NCALD: variants seen among roughly 807,000 people sequenced by gnomAD.
NCALD encodes neurocalcin delta, also known as neurocalcin-delta.
Under a neutral mutation model 18.6 loss-of-function variants are expected in NCALD, and 10 were observed. The observed-to-expected ratio is 0.54, with a 90% CI of 0.33 to 0.91. NCALD has a LOEUF of 0.91. Among genes scored for constraint, NCALD ranks in the 40% least tolerant of loss-of-function variants. The probability of loss-of-function intolerance (pLI) is 0.03; values close to 1 mark genes in which losing one functional copy is unlikely to be tolerated. For missense variants in NCALD, 184 were observed against 247.6 expected, an observed-to-expected ratio of 0.74 and a Z score of 1.72; for synonymous variants, 88 against 87.4, an observed-to-expected ratio of 1.01 and a Z score of -0.04.
chr8:101,979,048 G>T (rs1438499766), intron 2 of NCALD, among the ~76,000 whole-genome samples: 1 of 152,114 alleles, frequency 6.6e-6, no homozygotes, highest in African/African-American at 2.4e-5. Context: ...AGATCAATCA[G>T]ATCAGCCCAC....
At chr8:101,932,668 C>T (rs1374762285) in intron 2 of NCALD, among the ~76,000 whole-genome samples, 2 of 152,134 alleles carry the variant, frequency 1.3e-5, no homozygotes, top group Admixed American at 6.5e-5. Context: ...TCTTCCTTTG[C>T]GCAGAGTCCT....
At chr8:101,939,992 C>A (rs1586791413) in intron 2 of NCALD, among the ~76,000 whole-genome samples, 1 of 152,214 alleles carries the variant, frequency 6.6e-6, no homozygotes, top group African/African-American at 2.4e-5. Flanking sequence ...TGAGAGCCAA[C>A]TCAGCATATA....
At chr8:102,040,603 T>G (rs1359587600) in intron 1 of NCALD, among the ~76,000 whole-genome samples, 1 of 152,206 alleles carries the variant, frequency 6.6e-6, no homozygotes, top group Non-Finnish European at 1.5e-5. Context: ...CTAGCTGTTA[T>G]CCTGATTAGA....
intron 2 of NCALD, among the ~76,000 whole-genome samples, chr8:101,952,680 A>T (rs1381411208): frequency 6.6e-6 from 1 of 152,218 alleles, no homozygotes; most frequent in Non-Finnish European, 1.5e-5. Flanking sequence ...AACACACCCC[A>T]GCTAAGGAGA....
intron 3 of NCALD, among the ~76,000 whole-genome samples, chr8:101,889,594 TTTTG>T (rs746054855): frequency 2.6e-5 from 4 of 152,348 alleles, no homozygotes; most frequent in Admixed American, 6.5e-5. Flanking sequence ...ATTCATTGCT[TTTTG>T]TTTGTTTTAC....
chr8:102,008,901 T>G (rs1207573208), intron 2 of NCALD, among the ~76,000 whole-genome samples: 2 of 30,792 alleles, frequency 6.5e-5, no homozygotes, highest in Admixed American at 3.6e-4. Flanking sequence ...CACCCCCACC[T>G]CCACCCCCGC....
chr8:101,958,245 T>G (rs16868801), intron 2 of NCALD, among the ~76,000 whole-genome samples: 9,940 of 152,174 alleles, frequency 0.065, 855 homozygotes, highest in African/African-American at 0.19. Context: ...TCGACATGTT[T>G]TTGTCTGGTC....
chr8:101,892,670 G>A (rs560703724), intron 3 of NCALD, among the ~76,000 whole-genome samples: 1 of 150,438 alleles, frequency 6.6e-6, no homozygotes, highest in Non-Finnish European at 1.5e-5. Flanking sequence ...GTGCTTAAAG[G>A]AGCTGATGAA....
chr8:101,976,996 T>C (rs10105502), intron 2 of NCALD, among the ~76,000 whole-genome samples: 23,689 of 151,966 alleles, frequency 0.16, 2,625 homozygotes, highest in African/African-American at 0.31. Context: ...GCCTAGGAAA[T>C]AGCAGGCTTA....
intron 2 of NCALD, among the ~76,000 whole-genome samples, chr8:101,985,537 G>C (rs2131958275): frequency 6.6e-6 from 1 of 152,282 alleles, no homozygotes; most frequent in East Asian, 1.9e-4. Flanking sequence ...AGATTCTATA[G>C]CTTTTATATT....
chr8:101,872,374 T>C, intron 4 of NCALD: 1 of 1,528,408 alleles, frequency 6.5e-7, no homozygotes, highest in Non-Finnish European at 9.1e-7. Context: ...CTCGTCTTCA[T>C]GATCCTCCAG....
intron 2 of NCALD, chr8:101,975,257 C>T (rs1820379741): frequency 1.3e-5 from 2 of 152,154 alleles, no homozygotes; most frequent in Non-Finnish European, 2.9e-5. Context: ...GTGTTTTACT[C>T]ACAGCTTTAT....
intron 4 of NCALD, chr8:101,872,439 C>G: frequency 9.3e-7 from 1 of 1,076,438 alleles, no homozygotes; most frequent in Non-Finnish European, 1.4e-6. Flanking sequence ...GAAGGATGTG[C>G]TGCTCCTCTT....
chr8:101,850,750 C>T (rs1348995115), intron 4 of NCALD, among the ~76,000 whole-genome samples: 3 of 152,008 alleles, frequency 2.0e-5, no homozygotes, highest in African/African-American at 7.2e-5. Context: ...AGAAGATATG[C>T]TCTTCTGATT....
intron 4 of NCALD, among the ~76,000 whole-genome samples, chr8:101,820,648 G>A (rs972623704): frequency 6.6e-6 from 1 of 152,146 alleles, no homozygotes; most frequent in Non-Finnish European, 1.5e-5. Flanking sequence ...CCCTGTTAAG[G>A]AAAGAATCCC....
Position 102,074,661 on chromosome 8 carries a change from G to A in NCALD, c.-210+49576C>T, listed in dbSNP as rs577564346. On this transcript the variant is annotated intron_variant, in intron 1 of 6. Coordinates refer to the NCALD transcript ENST00000311028. ...ACTGCACTTGATCAGCAGCTCTCACGTCGGTTCCACAGGAAATCCTCCACC... is the reference window on the plus strand; with the variant it reads ...ACTGCACTTGATCAGCAGCTCTCACATCGGTTCCACAGGAAATCCTCCACC... Among the ~76,000 whole-genome samples the A allele has an allele frequency of 1.7e-4, 26 of 152,174 alleles. 1 individual carries two copies. Among genetic ancestry groups the A allele is most frequent in the African/African-American group, 4.3e-4 (18 of 41,498 alleles).
At chr8:101,836,194 C>A (rs1000981518) in intron 4 of NCALD, among the ~76,000 whole-genome samples, 53 of 152,298 alleles carry the variant, frequency 3.5e-4, no homozygotes, top group African/African-American at 1.2e-3. Flanking sequence ...CCATTTCTCT[C>A]TTGGCTCAGG....
intron 2 of NCALD, among the ~76,000 whole-genome samples, chr8:101,994,065 CA>C (rs1172950469): frequency 2.2e-4 from 33 of 152,264 alleles, no homozygotes; most frequent in Non-Finnish European, 4.3e-4. Context: ...AAGCAATTGC[CA>C]TAAGAATATC....
chr8:101,914,454 C>G, intron 3 of NCALD, among the ~76,000 whole-genome samples: 1 of 152,128 alleles, frequency 6.6e-6, no homozygotes, highest in East Asian at 1.9e-4. Context: ...TGTGAAGTTA[C>G]TTTTTCCCCT....
Sources: allele counts gnomAD v4.1 joint callset (sites outside exome capture counted in the v4.1 genomes callset), GRCh38; gene constraint gnomAD v4.1.1; transcripts MANE v1.5; gene names NCBI Gene and HGNC (gene_info 2026-07-23, HGNC 2026-07-21).